The following MAP3K5 variants were observed in gnomAD, a reference collection of about 807,000 sequenced individuals.
MAP3K5 encodes the protein mitogen-activated protein kinase kinase kinase 5, also known as ASK-1.
A neutral mutation model predicts 158.7 loss-of-function variants in MAP3K5; 56 were observed. The ratio of observed to expected loss-of-function variants is 0.35; its 90% CI spans 0.28 to 0.44. The LOEUF is 0.44. Among genes scored for constraint, MAP3K5 ranks in the 20% least tolerant of loss-of-function variants. MAP3K5 has a pLI of 1.00. For synonymous variants in MAP3K5, 579 were observed against 601.7 expected (o/e 0.96, Z 0.55); for missense variants, 1,294 against 1,674.8 (o/e 0.77, Z 3.97).
intron 28 of MAP3K5, among the ~76,000 whole-genome samples, chr6:136,560,041 TTTA>T (rs1388940993): frequency 6.6e-6 from 1 of 151,498 alleles, no homozygotes; most frequent in Non-Finnish European, 1.5e-5. Context: ...AAGAGATATC[TTTA>T]TTCTTATTTA....
intron 1 of MAP3K5, among the ~76,000 whole-genome samples, chr6:136,757,276 G>A (rs147572998): frequency 6.6e-6 from 1 of 152,332 alleles, no homozygotes; most frequent in African/African-American, 2.4e-5. Flanking sequence ...TCCAGGGAAA[G>A]ATTGTGGTAT....
Position 136,642,544 on chromosome 6 carries a change from C to A in MAP3K5, c.1814G>T (p.Ser605Ile), listed in dbSNP as rs147386447. The A allele has an allele frequency of 7.5e-5, 120 of 1,610,398 alleles. No homozygotes were observed. Among genetic ancestry groups the A allele is most frequent in the Non-Finnish European group, 9.6e-5 (113 of 1,177,016 alleles). ...CCTCACTCCCCTGACAGAAGAGGCA[C>A]TAAAATTCCACTCATGTATACCTTT... ...DKKGIHEWNF[S>I]ASSVRGVSIS... Residue 605 changes from serine (S) to isoleucine (I), a missense_variant, in exon 12 of 30, where the codon AGT (serine) becomes ATT (isoleucine). Around this residue, in one of 5 missense-constraint regions of MAP3K5, gnomAD observed 690 missense variants for 870.5 expected, o/e 0.79. Transcript: ENST00000359015.
rs1179377488 is a variant in MAP3K5 at position 136,575,103 on chromosome 6, A to G, written c.3517+5198T>C. On this transcript the variant is annotated intron_variant, in intron 25 of 29. Transcript: ENST00000359015. ...TTCAGCCACTTGCTCTTGCCTTAAC[A>G]GTTTATATACCTTTGGCACTATTAT... Among the ~76,000 whole-genome samples the G allele has an allele frequency of 2.0e-5, 3 of 151,838 alleles. No homozygotes were observed. In the East Asian group the frequency reaches 5.8e-4, roughly 29 times the overall value.
intron 14 of MAP3K5, among the ~76,000 whole-genome samples, chr6:136,627,255 T>C (rs952297083): frequency 1.3e-5 from 2 of 151,972 alleles, no homozygotes; most frequent in African/African-American, 2.4e-5. Flanking sequence ...TCTGTAGAAG[T>C]AGCACAGAAG....
At chr6:136,582,442 T>C (rs953710246) in intron 24 of MAP3K5, among the ~76,000 whole-genome samples, 2 of 152,244 alleles carry the variant, frequency 1.3e-5, no homozygotes, top group Non-Finnish European at 2.9e-5. Flanking sequence ...TATTTCACTC[T>C]ACTTGCAGGC....
At chr6:136,646,303 C>T in intron 11 of MAP3K5, among the ~76,000 whole-genome samples, 1 of 152,250 alleles carries the variant, frequency 6.6e-6, no homozygotes, top group East Asian at 1.9e-4. Flanking sequence ...AAATTTGTAA[C>T]CCTATTTAAT....
intron 7 of MAP3K5, among the ~76,000 whole-genome samples, chr6:136,690,245 T>C (rs1780329179): frequency 1.3e-5 from 2 of 152,192 alleles, no homozygotes; most frequent in Admixed American, 1.3e-4. Context: ...TGACTGTTTT[T>C]AAACATTCTA....
chr6:136,712,933 T>C (rs1354262622), intron 2 of MAP3K5, among the ~76,000 whole-genome samples: 3 of 152,322 alleles, frequency 2.0e-5, no homozygotes, highest in East Asian at 1.9e-4. Context: ...CCCAGCCACA[T>C]AGAACTGTGA....
rs1311907821 is a variant in MAP3K5, at chr6:136,659,334, T to C, written c.1411A>G (p.Lys471Glu). Residue 471 changes from lysine (K) to glutamate (E), a missense_variant, in exon 9 of 30, where the codon AAA becomes GAA. Around this residue, in one of 5 missense-constraint regions of MAP3K5, gnomAD observed 690 missense variants for 870.5 expected, o/e 0.79. Coordinates refer to ENST00000359015, the MANE Select transcript of MAP3K5 (RefSeq NM_005923.4). ...CCAACTTCCCAGTAGCTCTGGAGTTTTTCCAAGTTTCCCTTTTTACCAAGA... is the reference window on the plus strand; with the variant it reads ...CCAACTTCCCAGTAGCTCTGGAGTTCTTCCAAGTTTCCCTTTTTACCAAGA... Reference protein sequence around the residue: ...SLLGKKGNLEKLQSYWEVGFF... With the variant: ...SLLGKKGNLEELQSYWEVGFF... 6.2e-7 allele frequency: 1 copy of C among 1,614,110 alleles called. No homozygotes were observed. The highest frequency in any genetic ancestry group is 1.1e-5 in the South Asian group (1 of 91,086).
At chr6:136,759,167 T>TA (rs1486107341) in intron 1 of MAP3K5, among the ~76,000 whole-genome samples, 1 of 151,712 alleles carries the variant, frequency 6.6e-6, no homozygotes, top group African/African-American at 2.4e-5. Flanking sequence ...TGAGATTGTC[T>TA]AAAAAAAATA....
At chr6:136,610,642 C>A (rs1583269706) in intron 18 of MAP3K5, among the ~76,000 whole-genome samples, 1 of 138,054 alleles carries the variant, frequency 7.2e-6, no homozygotes. Flanking sequence ...TGTAGGCCAA[C>A]CAGGAAAGAA....
At chr6:136,690,366 CTAGGGTAT>C (rs1480591615) in intron 7 of MAP3K5, among the ~76,000 whole-genome samples, 2 of 151,968 alleles carry the variant, frequency 1.3e-5, no homozygotes, top group East Asian at 3.9e-4. Flanking sequence ...AAGATTTACT[CTAGGGTAT>C]ATAAATCTGC....
At chr6:136,635,232 T>C (rs1777566926) in intron 14 of MAP3K5, among the ~76,000 whole-genome samples, 1 of 152,186 alleles carries the variant, frequency 6.6e-6, no homozygotes, top group Non-Finnish European at 1.5e-5. Flanking sequence ...AATTGTTTCA[T>C]TTTCAATTTC....
intron 2 of MAP3K5, among the ~76,000 whole-genome samples, chr6:136,717,074 T>C (rs1007833603): frequency 4.6e-5 from 7 of 151,482 alleles, no homozygotes; most frequent in Non-Finnish European, 8.8e-5. Flanking sequence ...TGCAGTGAGC[T>C]GAGATTGCTC....
chr6:136,736,227 G>T lies in MAP3K5; in HGVS notation c.449-15638C>A, dbSNP rs1028827108. On this transcript the variant is annotated intron_variant, in intron 1 of 29. Coordinates refer to ENST00000359015, the MANE Select transcript of MAP3K5 (RefSeq NM_005923.4). ...TCCACAGTGCTCCAAGATTCTTAATGTGTCAACGAATGGAAACCTCTCACA... is the reference window on the plus strand; with the variant it reads ...TCCACAGTGCTCCAAGATTCTTAATTTGTCAACGAATGGAAACCTCTCACA... Among the ~76,000 whole-genome samples the T allele has an allele frequency of 1.3e-5, 2 of 152,132 alleles. 1 individual carries two copies. Among genetic ancestry groups the T allele is most frequent in the South Asian group, 4.1e-4 (2 of 4,828 alleles).
chr6:136,669,548 C>G (rs1461611829), intron 7 of MAP3K5, among the ~76,000 whole-genome samples, 153 bp from the exon 8 acceptor site: 3 of 152,174 alleles, frequency 2.0e-5, no homozygotes, highest in Non-Finnish European at 4.4e-5. Context: ...GGACTTAACG[C>G]TTCAGAAACT....
intron 25 of MAP3K5, among the ~76,000 whole-genome samples, chr6:136,569,625 C>G (rs1188106439): frequency 6.6e-6 from 1 of 152,172 alleles, no homozygotes; most frequent in African/African-American, 2.4e-5. Flanking sequence ...ACATATATTG[C>G]TTTATGTCTT....
chr6:136,566,155 C>A (rs532262702), intron 26 of MAP3K5, among the ~76,000 whole-genome samples: 3 of 152,062 alleles, frequency 2.0e-5, no homozygotes, highest in Non-Finnish European at 4.4e-5. Flanking sequence ...GGGTGGCGAG[C>A]ACAACGCTAA....
intron 12 of MAP3K5, among the ~76,000 whole-genome samples, chr6:136,640,968 CACA>C (rs1244179796): frequency 6.6e-6 from 1 of 152,274 alleles, no homozygotes; most frequent in Admixed American, 6.5e-5. Flanking sequence ...AGTCATAAAT[CACA>C]ACAACTGTTA....
Sources: allele counts gnomAD v4.1 joint callset (sites outside exome capture counted in the v4.1 genomes callset), GRCh38; gene constraint gnomAD v4.1.1; regional missense constraint gnomAD v4.1.1; transcripts MANE v1.5; gene names NCBI Gene and HGNC (gene_info 2026-07-23, HGNC 2026-07-21).